CFHR3: variants seen among roughly 807,000 people sequenced by gnomAD.
CFHR3 encodes complement factor H-related protein 3.
In CFHR3, 22 loss-of-function variants were observed where a neutral mutation model predicts 36.0. The ratio of observed to expected loss-of-function variants is 0.61; its 90% confidence interval spans 0.44 to 0.87. The LOEUF (loss-of-function observed/expected upper bound fraction) is 0.87. Ranked by LOEUF, CFHR3 falls within the 40% of genes least tolerant of loss-of-function variation. CFHR3 has a pLI of 0.00. For synonymous variants in CFHR3, 97 were observed against 137.4 expected (o/e 0.71, Z 2.06); for missense variants, 276 against 401.3 (o/e 0.69, Z 2.67).
intron 3 of CFHR3, among the ~76,000 whole-genome samples, chr1:196,780,509 C>T (rs535604300): frequency 7.3e-6 from 1 of 136,454 alleles, no homozygotes; most frequent in South Asian, 2.5e-4. Flanking sequence ...TCTTTTACTA[C>T]CAGCTGGATT....
At chr1:196,791,594 C>T (rs1307259778) in intron 5 of CFHR3, among the ~76,000 whole-genome samples, 9 of 126,746 alleles carry the variant, frequency 7.1e-5, no homozygotes, top group African/African-American at 3.3e-4. Flanking sequence ...TGACTGATGA[C>T]GCTGATATTT....
In CFHR3 at chr1:196,793,008, C is replaced by T. The variant is rs1166209674; in HGVS notation, c.797-309C>T. Among the ~76,000 whole-genome samples, 3 of 134,414 alleles carry T rather than the reference C, an allele frequency of 2.2e-5. 1 individual carries two copies. The highest frequency in any genetic ancestry group is 2.2e-4 in the Admixed American group (3 of 13,932). 88.2% of individuals were successfully genotyped at this position (134,414 alleles called of 152,430 possible). A position where few individuals can be genotyped will look rare whatever the true frequency, so the allele number is the denominator to read the frequency against. ...TCCAATGGAACATGTTAGCATAATC[C>T]TTTTTGATATGAAGTCACTAGGGTG... On this transcript the variant is annotated intron_variant, in intron 5 of 5. Coordinates refer to ENST00000367425, the MANE Select transcript of CFHR3 (RefSeq NM_021023.6).
chr1:196,776,307 G>C lies in CFHR3; in HGVS notation c.58+1363G>C, dbSNP rs148233636. Among the ~76,000 whole-genome samples, 711 of 136,380 alleles carry C rather than the reference G, an allele frequency of 5.2e-3. 192 individuals are homozygous for C. Among genetic ancestry groups the C allele is most frequent in the African/African-American group, 0.021 (689 of 32,730 alleles). 89.5% of individuals were successfully genotyped at this position (136,380 alleles called of 152,430 possible). On this transcript the variant is annotated intron_variant, in intron 1 of 5. Coordinates refer to ENST00000367425, the MANE Select transcript of CFHR3 (RefSeq NM_021023.6). The stretch of plus-strand genomic sequence containing the variant: ...CTTGAGCAAAATGTCTTGTAAATTT[G>C]GGTTGCACCTATATTTCTCAAAGGA...
chr1:196,782,056 G>C lies in CFHR3; in HGVS notation c.430+2083G>C, dbSNP rs181209819. 5.7e-3 allele frequency among the ~76,000 whole-genome samples: 785 copies of C among 137,442 alleles called. 134 individuals are homozygous for C. Among genetic ancestry groups the C allele is most frequent in the Admixed American group, 8.0e-3 (115 of 14,308 alleles). The allele number at this position is 137,442 out of a possible 152,430, so 90.2% of individuals were successfully genotyped here. ...TTTTCCCAGCAACATTTATTAAATA[G>C]GGAATCCTTTCCCCATTACTTGTTT... is the stretch of plus-strand genomic sequence containing the variant. On this transcript the variant is annotated intron_variant, in intron 3 of 5. Coordinates refer to ENST00000367425, the MANE Select transcript of CFHR3 (RefSeq NM_021023.6).
intron 3 of CFHR3, among the ~76,000 whole-genome samples, chr1:196,785,536 C>T (rs1042073986): frequency 1.5e-5 from 2 of 135,938 alleles, no homozygotes; most frequent in African/African-American, 3.1e-5. Context: ...CTTCCCTTCT[C>T]GCTTCATTTC....
At chr1:196,781,488 G>A (rs1273525354) in intron 3 of CFHR3, among the ~76,000 whole-genome samples, 1 of 134,020 alleles carries the variant, frequency 7.5e-6, no homozygotes, top group African/African-American at 3.2e-5. Flanking sequence ...TTTAATGATT[G>A]CCATTCTAAC....
In CFHR3 at chr1:196,779,750, T is replaced by G. The variant is rs767553349; in HGVS notation, c.254-47T>G. 4.1e-6 allele frequency: 6 copies of G among 1,453,958 alleles called. 1 individual carries two copies. In the East Asian group the frequency reaches 1.2e-4, roughly 30 times the overall value. The allele number at this position is 1,453,958 out of a possible 1,614,324, so 90.1% of individuals were successfully genotyped here. A position where few individuals can be genotyped will look rare whatever the true frequency, so the allele number is the denominator to read the frequency against. On this transcript the variant is annotated intron_variant, in intron 2 of 5. Coordinates refer to ENST00000367425, the MANE Select transcript of CFHR3 (RefSeq NM_021023.6). ...ATTTTAATATACTTTTTGTGCAAAT[T>G]TATGTTTCTCATTTACTTTATTTAT... is the stretch of plus-strand genomic sequence containing the variant.
At chr1:196,786,671 G>C (rs111994907) in intron 3 of CFHR3, among the ~76,000 whole-genome samples, 38,349 of 135,756 alleles carry the variant, frequency 0.28, 10,944 homozygotes, top group East Asian at 0.51. Context: ...CGCAGTATTA[G>C]GGTGGGAGTG....
At chr1:196,777,415 C>T (rs1653765120) in intron 1 of CFHR3, among the ~76,000 whole-genome samples, 1 of 136,390 alleles carries the variant, frequency 7.3e-6, no homozygotes, top group Non-Finnish European at 1.6e-5. Context: ...ATTTTCAGTA[C>T]CCAATGCATT....
At chr1:196,791,503 C>A (rs406163) in intron 5 of CFHR3, among the ~76,000 whole-genome samples, 6,502 of 96,892 alleles carry the variant, frequency 0.067, 582 homozygotes, top group East Asian at 0.21. Flanking sequence ...TTCCTAAGTA[C>A]AGGATGATAC....
At chr1:196,781,821 T>A (rs1195439517) in intron 3 of CFHR3, among the ~76,000 whole-genome samples, 1 of 135,840 alleles carries the variant, frequency 7.4e-6, no homozygotes, top group Admixed American at 7.1e-5. Context: ...ATCCCATTTG[T>A]CAATTTTGGC....
rs1424900218 is a variant in CFHR3, at chr1:196,783,270, T to G, written c.430+3297T>G. On this transcript the variant is annotated intron_variant, in intron 3 of 5. Coordinates refer to ENST00000367425, the MANE Select transcript of CFHR3 (RefSeq NM_021023.6). ...GATATTGGTCTAAAATTATCTTTTT[T>G]GGTTGTGTCTCTGCCTGGCTTTGGT... is the stretch of plus-strand genomic sequence containing the variant. Among the ~76,000 whole-genome samples the G allele has an allele frequency of 4.6e-4, 63 of 136,808 alleles. 9 individuals carry two copies. The highest frequency in any genetic ancestry group is 7.6e-4 in the Non-Finnish European group (49 of 64,570). 89.8% of individuals were successfully genotyped at this position (136,808 alleles called of 152,430 possible).
intron 3 of CFHR3, among the ~76,000 whole-genome samples, chr1:196,780,947 C>T: frequency 1.2e-5 from 1 of 80,718 alleles, no homozygotes; most frequent in South Asian, 6.7e-4. Flanking sequence ...ACTATCCCTC[C>T]CCCCTCCCCC....
Position 196,781,493 on chromosome 1 carries a change from T to C in CFHR3, c.430+1520T>C, listed in dbSNP as rs1202934044. Among the ~76,000 whole-genome samples, 11 of 134,552 alleles carry C rather than the reference T, an allele frequency of 8.2e-5. 1 individual carries two copies. The highest frequency in any genetic ancestry group is 1.7e-4 in the Non-Finnish European group (11 of 63,840). The allele number at this position is 134,552 out of a possible 152,430, so 88.3% of individuals were successfully genotyped here. A position where few individuals can be genotyped will look rare whatever the true frequency, so the allele number is the denominator to read the frequency against. ...TTCCTGACTTTTTAATGATTGCCATTCTAACTGGTGTGAGATGGTATCTCA... is the reference window on the plus strand; with the variant it reads ...TTCCTGACTTTTTAATGATTGCCATCCTAACTGGTGTGAGATGGTATCTCA... On this transcript the variant is annotated intron_variant, in intron 3 of 5. Transcript: ENST00000367425.
intron 3 of CFHR3, among the ~76,000 whole-genome samples, chr1:196,780,831 A>G (rs1653918498): frequency 7.5e-6 from 1 of 133,850 alleles, no homozygotes; most frequent in African/African-American, 3.2e-5. Context: ...TTTAAGTTTT[A>G]GGGTACATGT....
intron 5 of CFHR3, 39 bp from the exon 6 acceptor site, chr1:196,793,278 A>G (rs750542954): frequency 1.4e-6 from 2 of 1,454,068 alleles, no homozygotes; most frequent in South Asian, 2.7e-5. Context: ...CTCATGAAAG[A>G]GAAAATTATG....
Position 196,794,925 on chromosome 1 carries a change from A to G in CFHR3, c.*1412A>G, listed in dbSNP as rs1654536814. On this transcript the variant is annotated 3_prime_UTR_variant, in exon 6 of 6. Coordinates refer to ENST00000367425, the MANE Select transcript of CFHR3 (RefSeq NM_021023.6). ...CTAGACTGAGAATGTTTTGGTGGCTAAAGCTAGGAATAACTTTTTAAGACT... is the reference window on the plus strand; with the variant it reads ...CTAGACTGAGAATGTTTTGGTGGCTGAAGCTAGGAATAACTTTTTAAGACT... 1 of 140,998 alleles carries G rather than the reference A, an allele frequency of 7.1e-6. No individual in the cohort carries two copies. The highest frequency in any genetic ancestry group is 1.5e-5 in the Non-Finnish European group (1 of 67,298). 8.7% of individuals were successfully genotyped at this position (140,998 alleles called of 1,614,324 possible).
chr1:196,779,225 CA>C lies in CFHR3; in HGVS notation c.123del (p.Tyr42ThrfsTer4), dbSNP rs1218178692. On this transcript the variant is annotated frameshift_variant, in exon 2 of 6. Coordinates refer to ENST00000367425, the MANE Select transcript of CFHR3 (RefSeq NM_021023.6). LOFTEE classifies it high-confidence loss of function. ...GGLFHENMRR[P>X]YFPVAVGKYY... Reference sequence around the variant, plus strand: ...CTATTTCATGAGAATATGCGTAGACCATACTTTCCAGTAGCTGTAGGAAAAT... The same window carrying C: ...CTATTTCATGAGAATATGCGTAGACCTACTTTCCAGTAGCTGTAGGAAAAT... 8.5e-6 allele frequency: 13 copies of C among 1,528,572 alleles called. 2 individuals carry two copies. The highest frequency in any genetic ancestry group is 1.2e-5 in the Non-Finnish European group (13 of 1,129,432). 94.7% of individuals were successfully genotyped at this position (1,528,572 alleles called of 1,614,324 possible).
At chr1:196,778,060 CTAAA>C (rs1653804311) in intron 1 of CFHR3, among the ~76,000 whole-genome samples, 1 of 131,790 alleles carries the variant, frequency 7.6e-6, no homozygotes, top group Non-Finnish European at 1.6e-5. Flanking sequence ...CTTCTTCAGA[CTAAA>C]TAGCCTGCAA....
Sources: allele counts gnomAD v4.1 joint callset (sites outside exome capture counted in the v4.1 genomes callset), GRCh38; gene constraint gnomAD v4.1.1; transcripts MANE v1.5; gene names NCBI Gene and HGNC (gene_info 2026-07-23, HGNC 2026-07-21).